WTAP: variants seen among roughly 807,000 people sequenced by gnomAD.
WTAP encodes pre-mRNA-splicing regulator WTAP.
In WTAP, 8 loss-of-function variants were observed where a neutral mutation model predicts 50.0. The observed-to-expected ratio is 0.16, with a 90% CI of 0.09 to 0.29. WTAP has a LOEUF of 0.29. Ranked by LOEUF, WTAP falls within the 10% of genes least tolerant of loss-of-function variation. The probability of loss-of-function intolerance (pLI) is 1.00; values close to 1 mark genes in which losing one functional copy is unlikely to be tolerated. For missense variants in WTAP, 295 were observed against 470.7 expected, an observed-to-expected ratio of 0.63 and a Z score of 3.45; for synonymous variants, 194 against 169.0, an observed-to-expected ratio of 1.15 and a Z score of -1.15.
chr6:159,755,159 T>C lies in WTAP; in HGVS notation c.739T>C (p.Ser247Pro), dbSNP rs919845109. 3 of 1,614,024 alleles carry C rather than the reference T, an allele frequency of 1.9e-6. No homozygotes were observed. The highest frequency in any genetic ancestry group is 2.5e-6 in the Non-Finnish European group (3 of 1,180,032). Reference protein sequence around the residue: ...AQYQQQQSQASAPSTSRTTAS... With the variant: ...AQYQQQQSQAPAPSTSRTTAS... Reference sequence around the variant, plus strand: ...GTACCAGCAGCAGCAGTCTCAGGCCTCTGCCCCAAGTACCAGCAGGACTAC... The same window carrying C: ...GTACCAGCAGCAGCAGTCTCAGGCCCCTGCCCCAAGTACCAGCAGGACTAC... Residue 247 changes from serine to proline, a missense_variant, in exon 8 of 8, where the codon TCT becomes CCT. Ser to Pro is a moderately conservative substitution (Grantham distance 74). Transcript: ENST00000621533.
At chr6:159,726,870 A>G, upstream of WTAP, 1 of 1,289,226 alleles carries the variant, frequency 7.8e-7, no homozygotes, top group Non-Finnish European at 1.0e-6. Flanking sequence ...TTCTGCTAAG[A>G]GTAAACGCCC....
chr6:159,755,593 A>G lies in WTAP; in HGVS notation c.1173A>G (p.Val391=), dbSNP rs371082998. Residue 391 remains valine (V), a synonymous_variant, in exon 8 of 8, where the codon GTA becomes GTG. Coordinates refer to ENST00000621533, the MANE Select transcript of WTAP (RefSeq NM_001270531.2). The stretch of plus-strand genomic sequence containing the variant: ...ATGGCTTGGACTCAAGTGTAAATGT[A>G]CAGGGTTCAGTTTTGTAATATTTTT... ...VQNGLDSSVN[V]QGSVL 3.3e-5 allele frequency: 53 copies of G among 1,610,466 alleles called. No homozygotes were observed. Among genetic ancestry groups the G allele is most frequent in the East Asian group, 2.0e-4 (9 of 44,842 alleles).
intron 3 of WTAP, among the ~76,000 whole-genome samples, chr6:159,740,935 C>T (rs1252051278): frequency 6.6e-6 from 1 of 151,992 alleles, no homozygotes; most frequent in Non-Finnish European, 1.5e-5. Flanking sequence ...ATTTCTTGAC[C>T]TCATGATCTG....
At chr6:159,745,424 T>A (rs1205484412) in intron 5 of WTAP, among the ~76,000 whole-genome samples, 2 of 151,868 alleles carry the variant, frequency 1.3e-5, no homozygotes, top group African/African-American at 4.8e-5. Flanking sequence ...TAATGGAACC[T>A]AACCTTTTCC....
chr6:159,750,755 AT>A (rs201675421), intron 6 of WTAP, among the ~76,000 whole-genome samples: 6 of 152,180 alleles, frequency 3.9e-5, no homozygotes, highest in African/African-American at 1.4e-4. Flanking sequence ...TTATAAATGG[AT>A]TTTTTTCTAT....
At chr6:159,734,288 A>G (rs975737953) in intron 1 of WTAP, among the ~76,000 whole-genome samples, 1 of 151,744 alleles carries the variant, frequency 6.6e-6, no homozygotes, top group African/African-American at 2.4e-5. Flanking sequence ...TGCTGGGATT[A>G]CAAGTGTGAG....
At chr6:159,730,772 G>A (rs1264384802) in intron 1 of WTAP, 1 of 152,166 alleles carries the variant, frequency 6.6e-6, no homozygotes, top group Non-Finnish European at 1.5e-5. Flanking sequence ...GACTTAGGAA[G>A]TGTAGACATT....
chr6:159,747,952 A>T (rs1779674018), intron 5 of WTAP, among the ~76,000 whole-genome samples: 1 of 152,190 alleles, frequency 6.6e-6, no homozygotes, highest in African/African-American at 2.4e-5. Context: ...CTACATAGTG[A>T]TGTTTCAATA....
intron 2 of WTAP, among the ~76,000 whole-genome samples, chr6:159,738,482 C>G (rs1779052230): frequency 6.6e-6 from 1 of 152,058 alleles, no homozygotes; most frequent in Non-Finnish European, 1.5e-5. Context: ...AATCATTTGC[C>G]TGTTAAAGGA....
intron 6 of WTAP, 44 bp from the exon 7 acceptor site, chr6:159,753,412 CAGAG>C (rs376687721): frequency 1.2e-6 from 2 of 1,613,230 alleles, no homozygotes; most frequent in South Asian, 1.1e-5. Context: ...TAAGCAAAGA[CAGAG>C]AGTTTTGTCT....
chr6:159,727,899 TCTCTGTC>T (rs1778305948), intron 1 of WTAP, among the ~76,000 whole-genome samples, 196 bp downstream of exon 1: 1 of 152,210 alleles, frequency 6.6e-6, no homozygotes, highest in Non-Finnish European at 1.5e-5. Context: ...GGCCATTTTA[TCTCTGTC>T]CTCCGTCCCC....
Position 159,755,398 on chromosome 6 carries a change from T to G in WTAP, c.978T>G (p.Ser326Arg). Reference sequence around the variant, plus strand: ...AGGAGAGAACTGGCAGAGGAGGTAGTGGTTACGTAAATCAACTCAGTGCGG... The same window carrying G: ...AGGAGAGAACTGGCAGAGGAGGTAGGGGTTACGTAAATCAACTCAGTGCGG... ...SSEERTGRGG[S>R]GYVNQLSAGY... Residue 326 changes from serine (S) to arginine (R), a missense_variant, in exon 8 of 8, where the codon AGT (serine) becomes AGG (arginine). Coordinates refer to ENST00000621533, the MANE Select transcript of WTAP (RefSeq NM_001270531.2). The G allele has an allele frequency of 6.2e-7, 1 of 1,614,140 alleles. No homozygotes were observed.
At chr6:159,728,053 G>A (rs1435475931) in intron 1 of WTAP, among the ~76,000 whole-genome samples, 1 of 152,230 alleles carries the variant, frequency 6.6e-6, no homozygotes, top group Non-Finnish European at 1.5e-5. Context: ...CCTCCCTTGG[G>A]CCTCTCCTGA....
At chr6:159,728,125 A>C (rs774636802) in intron 1 of WTAP, among the ~76,000 whole-genome samples, 6 of 152,246 alleles carry the variant, frequency 3.9e-5, no homozygotes, top group Admixed American at 6.5e-5. Context: ...CCTACATTTC[A>C]TGTCACGCAG....
In WTAP at chr6:159,749,480, T is replaced by C; in HGVS notation, c.452+1111T>C. The C allele has an allele frequency of 3.1e-6, 3 of 974,022 alleles. No homozygotes were observed. The South Asian group carries it at 1.4e-4, about 46-fold the overall frequency. The allele number at this position is 974,022 out of a possible 1,614,324, so 60.3% of individuals were successfully genotyped here. A position where few individuals can be genotyped will look rare whatever the true frequency, so the allele number is the denominator to read the frequency against. ...ATTATGATGATTTTGTTGTACTCTT[T>C]AACATTTTAATTTGGGGCGGGGAGG... On this transcript the variant is annotated intron_variant, in intron 6 of 7. Coordinates refer to ENST00000621533, the MANE Select transcript of WTAP (RefSeq NM_001270531.2).
At chr6:159,741,778 G>T in intron 3 of WTAP, 1 of 206,712 alleles carries the variant, frequency 4.8e-6, no homozygotes, top group Non-Finnish European at 9.8e-6. Flanking sequence ...ATTTGAGCTC[G>T]GGAGTTCAAG....
chr6:159,749,230 A>G (rs1779733721), intron 6 of WTAP: 1 of 985,852 alleles, frequency 1.0e-6, no homozygotes, highest in Non-Finnish European at 1.2e-6. Context: ...ACTAGATTGT[A>G]TAAGGATATT....
chr6:159,751,167 C>G (rs1779806104), intron 6 of WTAP, among the ~76,000 whole-genome samples: 1 of 152,142 alleles, frequency 6.6e-6, no homozygotes, highest in Admixed American at 6.5e-5. Context: ...TTTTTCAAAA[C>G]TGTGATTTTG....
intron 1 of WTAP, among the ~76,000 whole-genome samples, chr6:159,729,557 T>C (rs1296444875): frequency 6.8e-6 from 1 of 146,572 alleles, no homozygotes; most frequent in Non-Finnish European, 1.5e-5. Context: ...GTTCATATTA[T>C]GTTCATATTT....
Sources: allele counts gnomAD v4.1 joint callset (sites outside exome capture counted in the v4.1 genomes callset), GRCh38; gene constraint gnomAD v4.1.1; transcripts MANE v1.5; gene names NCBI Gene and HGNC (gene_info 2026-07-23, HGNC 2026-07-21).